Variants in SH3GL2 observed in about 807,000 individuals in gnomAD.
SH3GL2 encodes the protein SH3 domain containing GRB2 like 2, endophilin A1, also known as endophilin-A1.
Under a neutral mutation model 46.0 loss-of-function variants are expected in SH3GL2, and 24 were observed. The observed-to-expected ratio is 0.52, with a 90% confidence interval of 0.38 to 0.73. The LOEUF (loss-of-function observed/expected upper bound fraction) is 0.73, where lower values mean the gene tolerates loss of function less well. SH3GL2 is among the 30% of genes least tolerant of loss of function. The pLI, the probability that SH3GL2 is intolerant of heterozygous loss-of-function variation, is 0.00. For missense variants in SH3GL2, 413 were observed against 424.2 expected (o/e 0.97, Z 0.23); for synonymous variants, 196 against 147.1 (o/e 1.33, Z -2.40).
At chr9:17,767,146 G>A (rs1823340801) in intron 3 of SH3GL2, among the ~76,000 whole-genome samples, 1 of 152,146 alleles carries the variant, frequency 6.6e-6, no homozygotes, top group Admixed American at 6.5e-5. Context: ...GAAAAATGTT[G>A]TACACAGTAG....
At chr9:17,678,246 C>T (rs1820667404) in intron 1 of SH3GL2, among the ~76,000 whole-genome samples, 1 of 151,954 alleles carries the variant, frequency 6.6e-6, no homozygotes, top group African/African-American at 2.4e-5. Context: ...TTTACAGTCC[C>T]ACCAACAGTG....
intron 1 of SH3GL2, among the ~76,000 whole-genome samples, chr9:17,615,706 TA>T (rs1818978138): frequency 1.3e-5 from 2 of 151,198 alleles, no homozygotes; most frequent in Admixed American, 1.3e-4. Flanking sequence ...AATATGTGTT[TA>T]TTGTTAAAAA....
intron 4 of SH3GL2, among the ~76,000 whole-genome samples, chr9:17,787,048 C>G (rs1323388679): frequency 3.3e-5 from 5 of 152,148 alleles, no homozygotes; most frequent in Admixed American, 6.5e-5. Flanking sequence ...CTGGTTGAAC[C>G]CGGCTATTTC....
chr9:17,762,736 A>C (rs1823213980), intron 3 of SH3GL2, among the ~76,000 whole-genome samples: 3 of 152,220 alleles, frequency 2.0e-5, no homozygotes, highest in Admixed American at 2.0e-4. Flanking sequence ...AATTTGTCAA[A>C]GCACTGCAAA....
chr9:17,690,759 A>G (rs1440097929), intron 1 of SH3GL2, among the ~76,000 whole-genome samples: 1 of 152,140 alleles, frequency 6.6e-6, no homozygotes, highest in Non-Finnish European at 1.5e-5. Context: ...ACCTATGTGA[A>G]TAAAATACAA....
intron 1 of SH3GL2, among the ~76,000 whole-genome samples, chr9:17,618,054 G>C (rs1020431643): frequency 1.3e-5 from 2 of 152,186 alleles, no homozygotes; most frequent in Non-Finnish European, 2.9e-5. Flanking sequence ...GCAGTTGGGA[G>C]TTCTGTTGTA....
chr9:17,762,884 C>T (rs1285232489), intron 3 of SH3GL2, among the ~76,000 whole-genome samples: 3 of 152,168 alleles, frequency 2.0e-5, no homozygotes, highest in Non-Finnish European at 2.9e-5. Context: ...GAGAACTGCT[C>T]GCCCTGCTTC....
At chr9:17,766,603 T>C (rs1823324047) in intron 3 of SH3GL2, among the ~76,000 whole-genome samples, 1 of 152,222 alleles carries the variant, frequency 6.6e-6, no homozygotes, top group African/African-American at 2.4e-5. Context: ...GAAATTGTCT[T>C]TAATAATATA....
At chr9:17,680,621 C>CGA (rs1820742725) in intron 1 of SH3GL2, among the ~76,000 whole-genome samples, 1 of 151,866 alleles carries the variant, frequency 6.6e-6, no homozygotes, top group Non-Finnish European at 1.5e-5. Context: ...TTTTGTGTCT[C>CGA]TATCTCCTTC....
intron 1 of SH3GL2, among the ~76,000 whole-genome samples, chr9:17,654,920 C>T (rs1163663184): frequency 1.3e-5 from 2 of 152,152 alleles, no homozygotes; most frequent in Non-Finnish European, 2.9e-5. Context: ...AAGTCATGCT[C>T]CTCCTGGAGG....
chr9:17,696,873 A>G (rs528852482), intron 1 of SH3GL2, among the ~76,000 whole-genome samples: 1 of 152,318 alleles, frequency 6.6e-6, no homozygotes, highest in East Asian at 1.9e-4. Context: ...CTCCACATGC[A>G]TAGCATATCC....
chr9:17,763,477 C>T (rs1338170384), intron 3 of SH3GL2, among the ~76,000 whole-genome samples: 1 of 152,088 alleles, frequency 6.6e-6, no homozygotes, highest in Non-Finnish European at 1.5e-5. Flanking sequence ...GGAAAGAAGG[C>T]CACGTGAAGA....
chr9:17,761,076 G>A (rs188263649), intron 2 of SH3GL2, among the ~76,000 whole-genome samples: 3 of 152,282 alleles, frequency 2.0e-5, no homozygotes, highest in African/African-American at 7.2e-5. Flanking sequence ...TCTTTCTTGA[G>A]GGCAGCAAAA....
chr9:17,666,793 T>C (rs1820355548), intron 1 of SH3GL2, among the ~76,000 whole-genome samples: 1 of 152,102 alleles, frequency 6.6e-6, no homozygotes, highest in African/African-American at 2.4e-5. Context: ...TATTGCTAGA[T>C]CAAAAGGTAA....
chr9:17,737,322 G>A (rs940142765), intron 1 of SH3GL2, among the ~76,000 whole-genome samples: 4 of 151,964 alleles, frequency 2.6e-5, no homozygotes, highest in Non-Finnish European at 5.9e-5. Context: ...TGCATGTTCT[G>A]CACATGTATC....
rs137912572 is a variant in SH3GL2 at position 17,679,695 on chromosome 9, T to G, written c.46-67371T>G. Among the ~76,000 whole-genome samples, 244 of 152,298 alleles carry G rather than the reference T, an allele frequency of 1.6e-3. 3 individuals carry two copies. Among genetic ancestry groups the G allele is most frequent in the African/African-American group, 4.9e-3 (202 of 41,570 alleles). ...ATAGGAGTGGTGAGAGAGGGCATCC[T>G]TGTCTTGTGCGAGTTTTCAAAGGGA... is the stretch of plus-strand genomic sequence containing the variant. On this transcript the variant is annotated intron_variant, in intron 1 of 8. Transcript: ENST00000380607.
intron 2 of SH3GL2, among the ~76,000 whole-genome samples, chr9:17,758,271 T>G (rs983806581): frequency 6.6e-6 from 1 of 152,072 alleles, no homozygotes; most frequent in Non-Finnish European, 1.5e-5. Flanking sequence ...TCTGTAAGAA[T>G]GCAGCCATGC....
chr9:17,659,817 C>T (rs1443086099), intron 1 of SH3GL2, among the ~76,000 whole-genome samples: 1 of 152,174 alleles, frequency 6.6e-6, no homozygotes, highest in African/African-American at 2.4e-5. Flanking sequence ...TAGTTTAAGA[C>T]TCACTGCTTG....
intron 1 of SH3GL2, chr9:17,591,237 T>C (rs1292575026): frequency 6.6e-6 from 1 of 152,238 alleles, no homozygotes; most frequent in East Asian, 1.9e-4. Flanking sequence ...TGATGACTGT[T>C]ACGTCTTCCC....
Sources: allele counts gnomAD v4.1 joint callset (sites outside exome capture counted in the v4.1 genomes callset), GRCh38; gene constraint gnomAD v4.1.1; transcripts MANE v1.5; gene names NCBI Gene and HGNC (gene_info 2026-07-23, HGNC 2026-07-21).